Variants in FSTL5 observed in about 807,000 individuals in gnomAD.
FSTL5 encodes follistatin like 5.
A neutral mutation model predicts 89.1 loss-of-function variants in FSTL5; 62 were observed. That is an observed-to-expected ratio of 0.70 (90% confidence interval 0.57 to 0.86). The LOEUF is 0.86. Among genes scored for constraint, FSTL5 ranks in the 40% least tolerant of loss-of-function variants. The pLI, the probability that FSTL5 is intolerant of heterozygous loss-of-function variation, is 0.00. For missense variants in FSTL5, 1,057 were observed against 1,001.6 expected (o/e 1.06, Z -0.75); for synonymous variants, 383 against 346.2 (o/e 1.11, Z -1.18).
intron 10 of FSTL5, among the ~76,000 whole-genome samples, chr4:161,518,808 C>T (rs4580616): frequency 0.18 from 26,888 of 152,114 alleles, 2,648 homozygotes; most frequent in East Asian, 0.37. Flanking sequence ...CTTAAAACAA[C>T]AATAAACATT....
At chr4:162,016,794 TG>T (rs1736928497) in intron 3 of FSTL5, among the ~76,000 whole-genome samples, 2 of 152,144 alleles carry the variant, frequency 1.3e-5, no homozygotes. Context: ...GGACATAATT[TG>T]GGAAGTCAAA....
chr4:162,072,269 T>C (rs1329802133), intron 2 of FSTL5, among the ~76,000 whole-genome samples: 1 of 151,800 alleles, frequency 6.6e-6, no homozygotes, highest in Non-Finnish European at 1.5e-5. Context: ...CCAAAGTGTG[T>C]TTATTTACTA....
At chr4:161,505,491 T>C (rs753156725) in intron 11 of FSTL5, among the ~76,000 whole-genome samples, 3 of 152,202 alleles carry the variant, frequency 2.0e-5, no homozygotes, top group East Asian at 1.9e-4. Context: ...GCCAGAGTGA[T>C]AGTATCTAAA....
chr4:161,986,607 G>C (rs1269274668), intron 3 of FSTL5, among the ~76,000 whole-genome samples: 3 of 152,158 alleles, frequency 2.0e-5, no homozygotes, highest in Non-Finnish European at 4.4e-5. Flanking sequence ...CATTTTGAAA[G>C]AGAGATTTTG....
At chr4:161,908,777 C>A (rs1015123123) in intron 4 of FSTL5, among the ~76,000 whole-genome samples, 1 of 152,240 alleles carries the variant, frequency 6.6e-6, no homozygotes, top group Admixed American at 6.5e-5. Context: ...AGTTTAACCA[C>A]AGCACAATGG....
chr4:162,016,743 C>A (rs560921595), intron 3 of FSTL5, among the ~76,000 whole-genome samples: 11 of 152,280 alleles, frequency 7.2e-5, no homozygotes, highest in Middle Eastern at 3.4e-3. Flanking sequence ...TATACTACAT[C>A]AGTATAGAAC....
chr4:161,932,591 C>T (rs1225843355), intron 3 of FSTL5, among the ~76,000 whole-genome samples: 1 of 151,638 alleles, frequency 6.6e-6, no homozygotes, highest in Non-Finnish European at 1.5e-5. Context: ...CCCTGGACCA[C>T]TGTGATTTTT....
chr4:161,730,320 G>A (rs942827243), intron 6 of FSTL5, among the ~76,000 whole-genome samples: 1 of 151,986 alleles, frequency 6.6e-6, no homozygotes, highest in Admixed American at 6.6e-5. Flanking sequence ...TTGAGTCAGT[G>A]TTCAGTTATA....
chr4:161,566,021 A>T (rs1195702139), intron 8 of FSTL5, among the ~76,000 whole-genome samples: 1 of 149,944 alleles, frequency 6.7e-6, no homozygotes, highest in Non-Finnish European at 1.5e-5. Context: ...ACTAATGTAC[A>T]TTCCTACCAA....
chr4:161,669,111 CAA>C (rs33950474), intron 6 of FSTL5, among the ~76,000 whole-genome samples: 1 of 104,664 alleles, frequency 9.6e-6, no homozygotes. Context: ...GACTCTGTCT[CAA>C]AAAAAAAAAA....
intron 5 of FSTL5, among the ~76,000 whole-genome samples, chr4:161,765,898 G>T (rs949433113): frequency 6.6e-6 from 1 of 151,446 alleles, no homozygotes; most frequent in South Asian, 2.1e-4. Flanking sequence ...GGGTTCAAGC[G>T]ATTCTCCTGC....
intron 8 of FSTL5, among the ~76,000 whole-genome samples, chr4:161,568,993 G>A (rs567462203): frequency 6.6e-6 from 1 of 152,198 alleles, no homozygotes; most frequent in South Asian, 2.1e-4. Flanking sequence ...CCCCAGTTCT[G>A]TTATTTATGT....
At chr4:161,815,603 T>A (rs1276132205) in intron 4 of FSTL5, among the ~76,000 whole-genome samples, 1 of 152,062 alleles carries the variant, frequency 6.6e-6, no homozygotes, top group Non-Finnish European at 1.5e-5. Flanking sequence ...ACCTATTTCA[T>A]CCTAATTTAA....
chr4:161,735,213 A>G (rs1344152900), intron 6 of FSTL5, among the ~76,000 whole-genome samples: 1 of 152,178 alleles, frequency 6.6e-6, no homozygotes, highest in African/African-American at 2.4e-5. Flanking sequence ...AGGATATTAC[A>G]AAGTATGCAG....
At chr4:161,483,137 T>A (rs1317620211) in intron 12 of FSTL5, among the ~76,000 whole-genome samples, 1 of 152,320 alleles carries the variant, frequency 6.6e-6, no homozygotes, top group African/African-American at 2.4e-5. Flanking sequence ...TATTACACTT[T>A]CATTCACCAA....
chr4:161,709,476 T>C (rs933220776), intron 6 of FSTL5, among the ~76,000 whole-genome samples: 2 of 152,126 alleles, frequency 1.3e-5, no homozygotes, highest in Non-Finnish European at 2.9e-5. Context: ...CCCAAATAGA[T>C]ATGATTGAAA....
Position 161,467,238 on chromosome 4 carries a change from TTAAC to T in FSTL5, c.1609-7923_1609-7920del, listed in dbSNP as rs143010792. Among the ~76,000 whole-genome samples the T allele has an allele frequency of 2.9e-3, 438 of 152,266 alleles. 2 individuals carry two copies. Among genetic ancestry groups the T allele is most frequent in the African/African-American group, 0.01 (425 of 41,578 alleles). On this transcript the variant is annotated intron_variant, in intron 13 of 15. Coordinates refer to ENST00000306100, the MANE Select transcript of FSTL5 (RefSeq NM_020116.5). ...ACTTTTTATAATGTTTGGGAAATAA[TTAAC>T]TAAATTTTGATTACAATTAGTATTC... is the stretch of plus-strand genomic sequence containing the variant.
intron 4 of FSTL5, among the ~76,000 whole-genome samples, chr4:161,840,895 G>A (rs1731188895): frequency 1.3e-5 from 2 of 152,156 alleles, no homozygotes; most frequent in African/African-American, 4.8e-5. Flanking sequence ...AAGGAGGAGG[G>A]AGAGTGAGAT....
intron 4 of FSTL5, among the ~76,000 whole-genome samples, chr4:161,815,310 A>G (rs1464804768): frequency 6.6e-6 from 1 of 152,024 alleles, no homozygotes; most frequent in Admixed American, 6.6e-5. Flanking sequence ...ATAAATGATA[A>G]TTTCAGCTGA....
Sources: gnomAD v4.1 joint callset for allele counts (sites outside exome capture counted in the v4.1 genomes callset) on GRCh38, gnomAD v4.1.1 for gene constraint, MANE v1.5 for transcripts, NCBI Gene and HGNC (gene_info 2026-07-23, HGNC 2026-07-21) for gene names.